Variants in CHODL observed in about 807,000 individuals in gnomAD.
CHODL encodes the protein transmembrane protein MT75.
A neutral mutation model predicts 34.5 loss-of-function variants in CHODL; 29 were observed. The observed-to-expected ratio is 0.84, with a 90% CI of 0.63 to 1.15. CHODL has a LOEUF of 1.15. CHODL is among the 50% of genes most tolerant of loss of function. The pLI is 0.00. For synonymous variants in CHODL, 125 were observed against 116.1 expected, an observed-to-expected ratio of 1.08 and a Z score of -0.49; for missense variants, 332 against 332.5, an observed-to-expected ratio of 1.00 and a Z score of 0.01.
In CHODL at chr21:18,232,942, GATATATATATATAT is replaced by G. The variant is rs371388519; in HGVS notation, c.-44-23550_-44-23537del. On this transcript the variant is annotated intron_variant, in intron 2 of 6. Coordinates refer to the CHODL transcript ENST00000400127. ...AATTATGGGGTCCACATGATGTTAT[GATATATATATATAT>G]ATATATATATATATATGTATATATA... Among the ~76,000 whole-genome samples, 624 of 119,412 alleles carry G rather than the reference GATATATATATATAT, an allele frequency of 5.2e-3. 15 individuals are homozygous for G. Among genetic ancestry groups the G allele is most frequent in the African/African-American group, 0.022 (605 of 27,168 alleles). 78.3% of individuals were successfully genotyped at this position (119,412 alleles called of 152,430 possible).
intron 2 of CHODL, among the ~76,000 whole-genome samples, chr21:18,107,450 C>T (rs1324521514): frequency 6.6e-6 from 1 of 152,234 alleles, no homozygotes; most frequent in East Asian, 1.9e-4. Context: ...GGCCTATCAA[C>T]TCAGTGGCAA....
At chr21:18,034,133 A>G (rs767192727) in intron 2 of CHODL, among the ~76,000 whole-genome samples, 3 of 151,874 alleles carry the variant, frequency 2.0e-5, no homozygotes, top group Non-Finnish European at 4.4e-5. Flanking sequence ...GGGAATGGCT[A>G]TGCTTCTCAG....
At chr21:18,048,925 T>G (rs2064478693) in intron 2 of CHODL, among the ~76,000 whole-genome samples, 1 of 151,880 alleles carries the variant, frequency 6.6e-6, no homozygotes, top group Non-Finnish European at 1.5e-5. Flanking sequence ...ACTTCACATT[T>G]TTTTAAAAAA....
intron 2 of CHODL, among the ~76,000 whole-genome samples, chr21:18,219,495 A>T (rs912144606): frequency 6.6e-6 from 1 of 152,232 alleles, no homozygotes; most frequent in African/African-American, 2.4e-5. Context: ...AAACCATATC[A>T]ACCTTCATAC....
intron 1 of CHODL, among the ~76,000 whole-genome samples, chr21:17,934,760 T>C (rs980778677): frequency 4.6e-5 from 7 of 152,206 alleles, no homozygotes; most frequent in Admixed American, 1.3e-4. Context: ...TTATTTTTTA[T>C]TATAAATAGA....
chr21:18,040,816 A>T (rs1369574245), intron 2 of CHODL, among the ~76,000 whole-genome samples: 1 of 151,798 alleles, frequency 6.6e-6, no homozygotes, highest in Non-Finnish European at 1.5e-5. Flanking sequence ...GTGGTAAAAA[A>T]ATCAGATGAT....
intron 1 of CHODL, among the ~76,000 whole-genome samples, chr21:18,013,634 G>GGTTTTTTTTTTTTTTT (rs1568844372): frequency 2.8e-5 from 1 of 36,256 alleles, no homozygotes; most frequent in African/African-American, 1.8e-4. Context: ...TGCTGCTGCT[G>GGTTTTTTTTTTTTTTT]CTTTTTTTTT....
At chr21:18,249,540 AT>A in intron 1 of CHODL, among the ~76,000 whole-genome samples, 1 of 152,290 alleles carries the variant, frequency 6.6e-6, no homozygotes, top group South Asian at 2.1e-4. Context: ...CCTTGCTTAT[AT>A]TAGCCACCCA....
At chr21:18,239,709 C>T (rs570341664) in intron 2 of CHODL, among the ~76,000 whole-genome samples, 1 of 151,966 alleles carries the variant, frequency 6.6e-6, no homozygotes, top group Non-Finnish European at 1.5e-5. Flanking sequence ...AGTTTTATGG[C>T]CTCTTAGTTG....
chr21:18,193,199 A>G (rs1455654636), intron 2 of CHODL, among the ~76,000 whole-genome samples: 4 of 152,234 alleles, frequency 2.6e-5, no homozygotes, highest in Non-Finnish European at 5.9e-5. Context: ...GCTAAAGTCA[A>G]TAAATGAAAT....
chr21:18,207,775 T>TA lies in CHODL; in HGVS notation c.-44-48733dup, dbSNP rs576867281. 1.1e-4 allele frequency among the ~76,000 whole-genome samples: 17 copies of TA among 150,610 alleles called. No homozygotes were observed. The East Asian group carries it at 2.0e-3, about 18-fold the overall frequency. Reference sequence around the variant, plus strand: ...AATTTTTTTCCTCTAATACTTTAAATATCTCATGCCACTCTCTCCTGGCCT... The same window carrying TA: ...AATTTTTTTCCTCTAATACTTTAAATAATCTCATGCCACTCTCTCCTGGCCT... On this transcript the variant is annotated intron_variant, in intron 2 of 6. Transcript: ENST00000400127.
chr21:18,260,494 G>A (rs79619081), intron 4 of CHODL, among the ~76,000 whole-genome samples: 1 of 152,062 alleles, frequency 6.6e-6, no homozygotes, highest in Non-Finnish European at 1.5e-5. Context: ...CTTCAGAGTG[G>A]TACTAAACTA....
At chr21:18,150,450 G>A (rs546356884) in intron 2 of CHODL, among the ~76,000 whole-genome samples, 1 of 152,218 alleles carries the variant, frequency 6.6e-6, no homozygotes, top group South Asian at 2.1e-4. Flanking sequence ...TTTCATTTTT[G>A]GTTTGCAGTA....
chr21:17,969,539 G>A (rs2063597999), intron 1 of CHODL, among the ~76,000 whole-genome samples: 1 of 152,150 alleles, frequency 6.6e-6, no homozygotes, highest in African/African-American at 2.4e-5. Context: ...ATGAATATTG[G>A]GTTATATTAC....
In CHODL at chr21:18,026,974, ACCTT is replaced by A. The variant is rs533282579; in HGVS notation, c.-144-897_-144-894del. ...ATAATTTAAGAAAGAAGCAAGTAAT[ACCTT>A]TAAATTTATCTGTCCAGGCTGGGCG... is the stretch of plus-strand genomic sequence containing the variant. On this transcript the variant is annotated intron_variant, in intron 1 of 6. Transcript: ENST00000400127. Among the ~76,000 whole-genome samples the A allele has an allele frequency of 2.9e-3, 444 of 152,304 alleles. 4 individuals are homozygous for A. Among genetic ancestry groups the A allele is most frequent in the African/African-American group, 0.01 (427 of 41,576 alleles).
At chr21:18,184,825 G>A (rs1040322285) in intron 2 of CHODL, among the ~76,000 whole-genome samples, 3 of 152,146 alleles carry the variant, frequency 2.0e-5, no homozygotes, top group Non-Finnish European at 4.4e-5. Context: ...CCTAGGCACA[G>A]CTTGAAAACC....
At chr21:18,072,617 G>A (rs1219631187) in intron 2 of CHODL, among the ~76,000 whole-genome samples, 1 of 152,014 alleles carries the variant, frequency 6.6e-6, no homozygotes, top group Non-Finnish European at 1.5e-5. Context: ...TTTTGTGTAT[G>A]TGTAGTAACA....
chr21:18,103,241 A>T (rs1379477646), intron 2 of CHODL, among the ~76,000 whole-genome samples: 4 of 152,178 alleles, frequency 2.6e-5, no homozygotes, highest in African/African-American at 9.7e-5. Flanking sequence ...TACAAAAATG[A>T]GATGTTAAGA....
At chr21:18,043,863 T>C (rs1314958465) in intron 2 of CHODL, among the ~76,000 whole-genome samples, 1 of 151,860 alleles carries the variant, frequency 6.6e-6, no homozygotes, top group East Asian at 1.9e-4. Flanking sequence ...CTTCCATGGA[T>C]GGTGGCAGAC....
Sources: allele counts gnomAD v4.1 joint callset (sites outside exome capture counted in the v4.1 genomes callset), GRCh38; gene constraint gnomAD v4.1.1; transcripts MANE v1.5; gene names NCBI Gene and HGNC (gene_info 2026-07-23, HGNC 2026-07-21).